DNAJC21: variants seen among roughly 807,000 people sequenced by gnomAD.
DNAJC21 encodes dnaJ homolog subfamily C member 21.
DNAJC21 carries 63 observed loss-of-function variants against 72.4 expected under a neutral mutation model. The observed-to-expected ratio is 0.87, with a 90% CI of 0.71 to 1.07. DNAJC21 has a LOEUF of 1.07. Among genes scored for constraint, DNAJC21 ranks in the 50% least tolerant of loss-of-function variants. DNAJC21 has a pLI of 0.00. For synonymous variants in DNAJC21, 203 were observed against 216.7 expected (o/e 0.94, Z 0.56); for missense variants, 634 against 644.8 (o/e 0.98, Z 0.18).
At chr5:34,948,152 G>C (rs548215046) in intron 9 of DNAJC21, among the ~76,000 whole-genome samples, 34 of 152,274 alleles carry the variant, frequency 2.2e-4, no homozygotes, top group African/African-American at 7.9e-4. Flanking sequence ...GAAGAATACT[G>C]TAGAGTTGGA....
chr5:34,947,639 C>A (rs1765214324), intron 9 of DNAJC21, among the ~76,000 whole-genome samples: 1 of 145,646 alleles, frequency 6.9e-6, no homozygotes. Flanking sequence ...TCAGTGTAGA[C>A]ATGCAGTTTT....
chr5:34,932,664 T>TCCAGCTCACCAACTCA, intron 1 of DNAJC21, among the ~76,000 whole-genome samples: 2 of 152,302 alleles, frequency 1.3e-5, no homozygotes, highest in East Asian at 3.9e-4. Flanking sequence ...AGAACCTGCT[T>TCCAGCTCACCAACTCA]CCAGCTCACC....
intron 1 of DNAJC21, among the ~76,000 whole-genome samples, chr5:34,932,660 T>G (rs973399504): frequency 6.6e-6 from 1 of 152,200 alleles, no homozygotes; most frequent in African/African-American, 2.4e-5. Context: ...TGAAAGAACC[T>G]GCTTCCAGCT....
At chr5:34,936,817 C>G (rs1438822630) in intron 4 of DNAJC21, among the ~76,000 whole-genome samples, 1 of 152,146 alleles carries the variant, frequency 6.6e-6, no homozygotes, top group Non-Finnish European at 1.5e-5. Context: ...TTGGCACCAC[C>G]TCAGCTCACT....
At chr5:34,942,961 A>C (rs974093696) in intron 7 of DNAJC21, among the ~76,000 whole-genome samples, 2 of 152,124 alleles carry the variant, frequency 1.3e-5, no homozygotes, top group African/African-American at 4.8e-5. Flanking sequence ...CCAGCTACTC[A>C]GGAGGCTGAG....
At chr5:34,952,393 AT>A in intron 10 of DNAJC21, 1 of 372,648 alleles carries the variant, frequency 2.7e-6, no homozygotes, top group Non-Finnish European at 3.7e-6. Flanking sequence ...CCTAATCTGC[AT>A]TTTTTAAATG....
intron 1 of DNAJC21, 113 bp downstream of exon 1, chr5:34,930,029 A>G: frequency 1.2e-6 from 1 of 800,436 alleles, no homozygotes; most frequent in Non-Finnish European, 1.8e-6. Flanking sequence ...CTGGCGGCCT[A>G]GGAGCTCCTT....
At chr5:34,947,107 A>G (rs570413280) in intron 9 of DNAJC21, among the ~76,000 whole-genome samples, 2 of 152,228 alleles carry the variant, frequency 1.3e-5, no homozygotes, top group South Asian at 2.1e-4. Context: ...GTATCTTGAA[A>G]CTTGAGATTG....
At position 34,941,149 on chromosome 5, in the gene DNAJC21, C is replaced by T; in HGVS notation, c.949C>T (p.Pro317Ser). Residue 317 changes from proline to serine, a missense_variant, in exon 7 of 12, where the codon CCA becomes TCA. Physicochemically the swap from Pro to Ser is moderately conservative, Grantham distance 74 (BLOSUM62 -1). Coordinates refer to ENST00000648817, the MANE Select transcript of DNAJC21 (RefSeq NM_001012339.3). Reference protein sequence around the residue: ...DAELYDDLYCPACDKSFKTEK... With the variant: ...DAELYDDLYCSACDKSFKTEK... Reference sequence around the variant, plus strand: ...TGAGCTCTATGATGACCTTTACTGCCCAGCATGTGACAAATCGTTCAAGAC... The same window carrying T: ...TGAGCTCTATGATGACCTTTACTGCTCAGCATGTGACAAATCGTTCAAGAC... The T allele has an allele frequency of 6.2e-7, 1 of 1,614,050 alleles. No individual in the cohort carries two copies. The highest frequency in any genetic ancestry group is 8.5e-7 in the Non-Finnish European group (1 of 1,180,012).
In DNAJC21 at chr5:34,952,123, ATG is replaced by A. The variant is rs3220525; in HGVS notation, c.1359-1777_1359-1776del. 1.3e-3 allele frequency: 1,034 copies of A among 820,578 alleles called. 1 individual carries two copies. The highest frequency in any genetic ancestry group is 3.5e-3 in the East Asian group (28 of 7,922). The allele number at this position is 820,578 out of a possible 1,614,324, so 50.8% of individuals were successfully genotyped here. A position where few individuals can be genotyped will look rare whatever the true frequency, so the allele number is the denominator to read the frequency against. On this transcript the variant is annotated intron_variant, in intron 10 of 11. Transcript: ENST00000648817. ...CTACTGAGAAGTGTTTTTTTAAAAA[ATG>A]TGTGTGTGTGTGTGTGTGTGTGTGT...
intron 9 of DNAJC21, 91 bp from the exon 10 acceptor site, chr5:34,950,079 C>T (rs953283304): frequency 1.3e-5 from 17 of 1,355,686 alleles, no homozygotes; most frequent in Admixed American, 2.6e-5. Context: ...TTTTATTTCC[C>T]GAAGGTATAT....
Position 34,929,917 on chromosome 5 carries a change from G to T in DNAJC21, c.97+1G>T, listed in dbSNP as rs1764526690. On this transcript the variant is annotated splice_donor_variant, in intron 1 of 11. Coordinates refer to ENST00000648817, the MANE Select transcript of DNAJC21 (RefSeq NM_001012339.3). LOFTEE classifies it high-confidence loss of function. The stretch of plus-strand genomic sequence containing the variant: ...AAGCTGGCCCTGAAATGGCACCCGG[G>T]TAAGTACCTGTCCCGCAGCCCCCGC... The T allele has an allele frequency of 5.7e-6, 9 of 1,574,014 alleles. No individual in the cohort carries two copies. Among genetic ancestry groups the T allele is most frequent in the African/African-American group, 1.4e-5 (1 of 71,624 alleles).
intron 9 of DNAJC21, among the ~76,000 whole-genome samples, chr5:34,946,199 A>G (rs1202023082): frequency 6.6e-6 from 1 of 152,162 alleles, no homozygotes; most frequent in Non-Finnish European, 1.5e-5. Flanking sequence ...AACAACATAA[A>G]CATTGCAAAA....
chr5:34,933,622 G>C (rs1199606553), intron 1 of DNAJC21, among the ~76,000 whole-genome samples, 193 bp from the exon 2 acceptor site: 1 of 152,130 alleles, frequency 6.6e-6, no homozygotes, highest in African/African-American at 2.4e-5. Context: ...GGAAAAGCCT[G>C]AAATTTCTGC....
At position 34,954,675 on chromosome 5, in the gene DNAJC21, A is replaced by G; in HGVS notation, c.1557A>G (p.Thr519=). 1 of 1,611,568 alleles carries G rather than the reference A, an allele frequency of 6.2e-7. No homozygotes were observed. Among genetic ancestry groups the G allele is most frequent in the South Asian group, 1.1e-5 (1 of 90,520 alleles). The change falls in exon 12 of 12, where the codon ACA becomes ACG. Residue 519 remains threonine (T), a synonymous_variant. Coordinates refer to ENST00000648817, the MANE Select transcript of DNAJC21 (RefSeq NM_001012339.3). The part of the protein sequence containing the change: ...APSSSSLNSA[T]SSQSKKEKRK... ...CATCATCGTCTTTAAACAGCGCAAC[A>G]AGTAGTCAAAGCAAGAAAGAGAAAC...
chr5:34,948,266 A>G (rs1433359989), intron 9 of DNAJC21, among the ~76,000 whole-genome samples: 2 of 152,216 alleles, frequency 1.3e-5, no homozygotes, highest in African/African-American at 4.8e-5. Flanking sequence ...AGCAGTGAGT[A>G]CACCTAATGC....
At chr5:34,953,694 T>G in intron 10 of DNAJC21, 1 of 421,434 alleles carries the variant, frequency 2.4e-6, no homozygotes, top group Non-Finnish European at 4.2e-6. Flanking sequence ...TTTCAACTGT[T>G]TTAAGGAAAT....
chr5:34,941,599 C>T (rs575337139), intron 7 of DNAJC21, among the ~76,000 whole-genome samples: 27 of 125,858 alleles, frequency 2.1e-4, no homozygotes, highest in African/African-American at 6.3e-4. Context: ...CAGAGTCTCA[C>T]TCTGTTGCCC....
intron 10 of DNAJC21, chr5:34,952,139 G>C: frequency 1.0e-6 from 1 of 982,426 alleles, no homozygotes; most frequent in South Asian, 4.7e-5. Context: ...GTGTGTGTGT[G>C]TGTGTGTGTG....
Sources: allele counts gnomAD v4.1 joint callset (sites outside exome capture counted in the v4.1 genomes callset), GRCh38; gene constraint gnomAD v4.1.1; transcripts MANE v1.5; gene names NCBI Gene and HGNC (gene_info 2026-07-23, HGNC 2026-07-21).